Variants in DLG1 observed in about 807,000 individuals in gnomAD.
The protein encoded by DLG1 is disks large homolog 1.
A neutral mutation model predicts 123.4 loss-of-function variants in DLG1; 42 were observed. The observed-to-expected ratio is 0.34, with a 90% CI of 0.27 to 0.44. The LOEUF (loss-of-function observed/expected upper bound fraction) is 0.44. Among genes scored for constraint, DLG1 ranks in the 20% least tolerant of loss-of-function variants. The pLI is 1.00. For missense variants in DLG1, 942 were observed against 1,082.6 expected (o/e 0.87, Z 1.82); for synonymous variants, 317 against 356.2 (o/e 0.89, Z 1.24).
intron 5 of DLG1, among the ~76,000 whole-genome samples, chr3:197,154,644 C>T (rs1054267148): frequency 2.0e-5 from 3 of 151,582 alleles, no homozygotes; most frequent in Non-Finnish European, 2.9e-5. Context: ...CACTGCACTC[C>T]AGCCTGGGTG....
chr3:197,075,410 T>C (rs976374890), intron 18 of DLG1, among the ~76,000 whole-genome samples: 4 of 151,284 alleles, frequency 2.6e-5, no homozygotes, highest in Non-Finnish European at 5.9e-5. Context: ...TATACTTTTA[T>C]AGTAATGCTT....
chr3:197,208,372 A>G (rs1200283969), intron 4 of DLG1, among the ~76,000 whole-genome samples: 2 of 146,762 alleles, frequency 1.4e-5, no homozygotes, highest in Non-Finnish European at 3.1e-5. Flanking sequence ...TTATGAATAC[A>G]TAGAACCTCT....
At chr3:197,229,478 C>A (rs375036355) in intron 4 of DLG1, among the ~76,000 whole-genome samples, 1,520 of 144,942 alleles carry the variant, frequency 0.01, 14 homozygotes, top group Non-Finnish European at 0.016. Context: ...AAAAAAAAGT[C>A]CTAGACAGTG....
intron 4 of DLG1, among the ~76,000 whole-genome samples, chr3:197,211,799 T>C (rs1731376790): frequency 6.8e-6 from 1 of 146,198 alleles, no homozygotes; most frequent in African/African-American, 2.4e-5. Context: ...CAAAGACACA[T>C]GTGCACAAAC....
chr3:197,244,910 T>C (rs776814135), intron 4 of DLG1, among the ~76,000 whole-genome samples: 12 of 152,198 alleles, frequency 7.9e-5, no homozygotes, highest in Non-Finnish European at 1.6e-4. Flanking sequence ...ACCAAGTACA[T>C]AGCTCTTGAG....
chr3:197,099,013 T>C (rs1328078549), intron 14 of DLG1, among the ~76,000 whole-genome samples: 1 of 152,240 alleles, frequency 6.6e-6, no homozygotes, highest in Non-Finnish European at 1.5e-5. Context: ...CTCCACATTT[T>C]ACCTATCCTG....
At chr3:197,272,948 C>T (rs1764540252) in intron 4 of DLG1, among the ~76,000 whole-genome samples, 1 of 152,090 alleles carries the variant, frequency 6.6e-6, no homozygotes, top group Non-Finnish European at 1.5e-5. Flanking sequence ...TTAAAGTGTA[C>T]AATTCAGTGA....
intron 6 of DLG1, among the ~76,000 whole-genome samples, chr3:197,148,266 C>T (rs1238257076): frequency 3.6e-5 from 2 of 55,816 alleles, no homozygotes; most frequent in Non-Finnish European, 8.4e-5. Context: ...AAAAAATAGC[C>T]AGTCATGGTG....
intron 4 of DLG1, among the ~76,000 whole-genome samples, chr3:197,238,245 T>C (rs1747043529): frequency 6.6e-6 from 1 of 152,146 alleles, no homozygotes; most frequent in Admixed American, 6.6e-5. Context: ...GAAGTTTCCC[T>C]TGAAAATCAC....
chr3:197,215,857 A>G (rs1011722018), intron 4 of DLG1, among the ~76,000 whole-genome samples: 5 of 152,320 alleles, frequency 3.3e-5, no homozygotes, highest in African/African-American at 1.2e-4. Context: ...ACTTCTAAGG[A>G]AACAGGTATT....
intron 4 of DLG1, among the ~76,000 whole-genome samples, chr3:197,279,623 AG>A (rs1262484528): frequency 6.6e-6 from 1 of 152,158 alleles, no homozygotes; most frequent in Non-Finnish European, 1.5e-5. Flanking sequence ...TATTCCCTTG[AG>A]GTGCCTTTAC....
intron 5 of DLG1, among the ~76,000 whole-genome samples, chr3:197,170,925 T>C (rs1054347594): frequency 6.6e-6 from 1 of 152,178 alleles, no homozygotes; most frequent in African/African-American, 2.4e-5. Flanking sequence ...ACTTCCATAT[T>C]TTTAGAGAAA....
At chr3:197,213,774 A>G (rs754144796) in intron 4 of DLG1, among the ~76,000 whole-genome samples, 2 of 152,226 alleles carry the variant, frequency 1.3e-5, no homozygotes, top group Non-Finnish European at 2.9e-5. Flanking sequence ...TTAAGTTTGA[A>G]TTTTCCAAGA....
At chr3:197,050,392 C>G (rs905983213) in intron 24 of DLG1, among the ~76,000 whole-genome samples, 2 of 151,462 alleles carry the variant, frequency 1.3e-5, no homozygotes, top group Non-Finnish European at 2.9e-5. Context: ...CAAAAAAAAC[C>G]CCCAAAAAAA....
At chr3:197,298,994 G>C (rs1473451879), upstream of DLG1, 2 of 154,888 alleles carry the variant, frequency 1.3e-5, no homozygotes, top group Non-Finnish European at 2.9e-5. Context: ...TCCCCGCCCG[G>C]TCAGCATCGC....
At chr3:197,298,008 G>T in intron 1 of DLG1, 2 of 831,206 alleles carry the variant, frequency 2.4e-6, no homozygotes, top group Non-Finnish European at 2.9e-6. Flanking sequence ...CCGCCTCCTC[G>T]CTCGCCGCGG....
At chr3:197,125,483 C>A (rs1345955488) in intron 11 of DLG1, among the ~76,000 whole-genome samples, 1 of 151,846 alleles carries the variant, frequency 6.6e-6, no homozygotes, top group African/African-American at 2.4e-5. Flanking sequence ...TAAGCTAATA[C>A]AAATAGAAAA....
In DLG1 at chr3:197,257,780, A is replaced by G. The variant is rs1409342167; in HGVS notation, c.318+24899T>C. The stretch of plus-strand genomic sequence containing the variant: ...GGTTTAAGCAGAGTGCTTTATTGCT[A>G]ACATAAGAAAATATACCATATATAA... On this transcript the variant is annotated intron_variant, in intron 4 of 24. Coordinates refer to ENST00000667157, the MANE Select transcript of DLG1 (RefSeq NM_001366207.1). 2.6e-5 allele frequency among the ~76,000 whole-genome samples: 4 copies of G among 152,180 alleles called. No individual in the cohort carries two copies. In the East Asian group the frequency reaches 5.8e-4, roughly 22 times the overall value.
chr3:197,138,304 C>A lies in DLG1; in HGVS notation c.801G>T (p.Gly267=), dbSNP rs762094612. 4 of 1,603,888 alleles carry A rather than the reference C, an allele frequency of 2.5e-6. No homozygotes were observed. Among genetic ancestry groups the A allele is most frequent in the South Asian group, 1.1e-5 (1 of 89,840 alleles). Residue 267 remains glycine, a synonymous_variant, in exon 9 of 25, where the codon GGG becomes GGT. Coordinates refer to ENST00000667157, the MANE Select transcript of DLG1 (RefSeq NM_001366207.1). The stretch of plus-strand genomic sequence containing the variant: ...TTTTTACATACAAGCGTACAATAGA[C>A]CCTGCTTCTTTCAACGCTTCAACTG... The part of the protein sequence containing the change: ...SKAVEALKEA[G]SIVRLYVKRR...
Sources: gnomAD v4.1 joint callset for allele counts (sites outside exome capture counted in the v4.1 genomes callset) on GRCh38, gnomAD v4.1.1 for gene constraint, MANE v1.5 for transcripts, NCBI Gene and HGNC (gene_info 2026-07-23, HGNC 2026-07-21) for gene names.